CNTN4: variants seen among roughly 807,000 people sequenced by gnomAD.
CNTN4 encodes contactin-4.
A neutral mutation model predicts 122.5 loss-of-function variants in CNTN4; 77 were observed. The ratio of observed to expected loss-of-function variants is 0.63; its 90% confidence interval spans 0.52 to 0.76. CNTN4 has a LOEUF of 0.76. Among genes scored for constraint, CNTN4 ranks in the 30% least tolerant of loss-of-function variants. The probability of loss-of-function intolerance (pLI) is 0.00; values close to 1 mark genes in which losing one functional copy is unlikely to be tolerated. For missense variants in CNTN4, 1,256 were observed against 1,259.1 expected, an observed-to-expected ratio of 1.00 and a Z score of 0.04; for synonymous variants, 512 against 447.0, an observed-to-expected ratio of 1.15 and a Z score of -1.83.
chr3:2,543,939 G>A (rs2078134963), intron 3 of CNTN4, among the ~76,000 whole-genome samples: 2 of 152,102 alleles, frequency 1.3e-5, no homozygotes, highest in Admixed American at 1.3e-4. Flanking sequence ...AGGTAAGGAA[G>A]CGACAAGCCT....
chr3:2,719,177 G>C (rs374431512), intron 4 of CNTN4, among the ~76,000 whole-genome samples: 3 of 152,162 alleles, frequency 2.0e-5, no homozygotes, highest in Admixed American at 1.3e-4. Context: ...TGTGAAACAC[G>C]GTACGTACTC....
intron 3 of CNTN4, among the ~76,000 whole-genome samples, chr3:2,521,905 T>A (rs2077231481): frequency 6.6e-6 from 1 of 152,014 alleles, no homozygotes; most frequent in Non-Finnish European, 1.5e-5. Context: ...GGCGCAAAAG[T>A]AATCGTGCTT....
intron 4 of CNTN4, among the ~76,000 whole-genome samples, chr3:2,694,678 A>C (rs1224440414): frequency 6.6e-6 from 1 of 152,170 alleles, no homozygotes; most frequent in Non-Finnish European, 1.5e-5. Flanking sequence ...GCAGTGAGCT[A>C]AGGTCGTGCC....
intron 12 of CNTN4, among the ~76,000 whole-genome samples, chr3:2,911,025 G>C (rs968125148): frequency 1.3e-5 from 2 of 152,234 alleles, no homozygotes; most frequent in Non-Finnish European, 2.9e-5. Flanking sequence ...AGAGCTATCA[G>C]TAGAAAACTT....
intron 3 of CNTN4, among the ~76,000 whole-genome samples, chr3:2,473,284 C>A (rs535856247): frequency 2.0e-5 from 3 of 150,532 alleles, no homozygotes; most frequent in Non-Finnish European, 4.4e-5. Flanking sequence ...TGCTGTACTA[C>A]GATAGCATCT....
intron 4 of CNTN4, among the ~76,000 whole-genome samples, chr3:2,711,684 C>T (rs1168737404): frequency 6.6e-6 from 1 of 152,160 alleles, no homozygotes; most frequent in Admixed American, 6.5e-5. Flanking sequence ...TTAGTATCAC[C>T]TCTTTATAAG....
At chr3:2,894,074 C>G (rs2094077788) in intron 10 of CNTN4, among the ~76,000 whole-genome samples, 1 of 151,944 alleles carries the variant, frequency 6.6e-6, no homozygotes. Context: ...TATATTTTTC[C>G]AAATAAAAAT....
intron 2 of CNTN4, among the ~76,000 whole-genome samples, chr3:2,291,654 TC>T (rs2042139596): frequency 6.6e-6 from 1 of 152,012 alleles, no homozygotes; most frequent in East Asian, 1.9e-4. Flanking sequence ...TATTTGGGGA[TC>T]CCTAAAATTC....
intron 3 of CNTN4, among the ~76,000 whole-genome samples, chr3:2,502,691 C>A (rs1575784636): frequency 6.6e-6 from 1 of 152,208 alleles, no homozygotes; most frequent in South Asian, 2.1e-4. Context: ...AGGCTTAGTC[C>A]ACCATATTGT....
chr3:2,833,969 G>A lies in CNTN4; in HGVS notation c.454+14388G>A, dbSNP rs912293077. On this transcript the variant is annotated intron_variant, in intron 7 of 24. Transcript: ENST00000418658. ...ATCCTGGCTAACACGGTGAAACCCC[G>A]TCTTACTAAAAAGAAAAATACAAAA... 4.0e-5 allele frequency among the ~76,000 whole-genome samples: 6 copies of A among 151,722 alleles called. No homozygotes were observed. The South Asian group carries it at 6.3e-4, about 16-fold the overall frequency.
At chr3:2,990,913 G>A (rs1694996829) in intron 14 of CNTN4, among the ~76,000 whole-genome samples, 1 of 152,020 alleles carries the variant, frequency 6.6e-6, no homozygotes, top group Non-Finnish European at 1.5e-5. Context: ...TTTCTTTCAA[G>A]GTATATTAGG....
At chr3:2,252,219 A>G (rs1246988500) in intron 2 of CNTN4, among the ~76,000 whole-genome samples, 1 of 151,986 alleles carries the variant, frequency 6.6e-6, no homozygotes, top group East Asian at 1.9e-4. Flanking sequence ...TGGTGAAACT[A>G]TACTCTTGAT....
chr3:2,330,027 C>T (rs1171711735), intron 2 of CNTN4, among the ~76,000 whole-genome samples: 2 of 151,996 alleles, frequency 1.3e-5, no homozygotes, highest in East Asian at 1.9e-4. Context: ...ACGTGAATGC[C>T]CCCTACTTCA....
chr3:2,599,094 C>G (rs1285757005), intron 4 of CNTN4, among the ~76,000 whole-genome samples: 2 of 152,098 alleles, frequency 1.3e-5, no homozygotes, highest in Non-Finnish European at 2.9e-5. Context: ...AATAGCAACA[C>G]TGTAGGTAAG....
At chr3:2,437,155 A>G (rs1270512872) in intron 3 of CNTN4, among the ~76,000 whole-genome samples, 2 of 152,114 alleles carry the variant, frequency 1.3e-5, no homozygotes, top group Admixed American at 1.3e-4. Context: ...GTTCATTGCC[A>G]AAGTGCTCAG....
intron 12 of CNTN4, among the ~76,000 whole-genome samples, chr3:2,921,037 G>T (rs2094424651): frequency 6.6e-6 from 1 of 152,148 alleles, no homozygotes; most frequent in African/African-American, 2.4e-5. Context: ...CATAATAAGA[G>T]AGCACTGACT....
At chr3:2,637,941 A>G (rs923078859) in intron 4 of CNTN4, among the ~76,000 whole-genome samples, 9 of 152,236 alleles carry the variant, frequency 5.9e-5, no homozygotes, top group African/African-American at 2.2e-4. Context: ...CATACCTGGA[A>G]TCAGAATCTA....
At chr3:2,626,613 A>C (rs1471568221) in intron 4 of CNTN4, among the ~76,000 whole-genome samples, 1 of 152,180 alleles carries the variant, frequency 6.6e-6, no homozygotes, top group Non-Finnish European at 1.5e-5. Flanking sequence ...CCAAGAGGAG[A>C]GGAAAGAATT....
chr3:2,257,799 C>T (rs2040660784), intron 2 of CNTN4, among the ~76,000 whole-genome samples: 1 of 152,032 alleles, frequency 6.6e-6, no homozygotes, highest in Non-Finnish European at 1.5e-5. Flanking sequence ...CATGGTGGCT[C>T]ATGCCTGTAA....
Sources: allele counts gnomAD v4.1 joint callset (sites outside exome capture counted in the v4.1 genomes callset), GRCh38; gene constraint gnomAD v4.1.1; transcripts MANE v1.5; gene names NCBI Gene and HGNC (gene_info 2026-07-23, HGNC 2026-07-21).